Variants in CCSER1 observed in about 807,000 individuals in gnomAD.
CCSER1 encodes coiled-coil serine rich protein 1.
CCSER1 carries 41 observed loss-of-function variants against 82.0 expected under a neutral mutation model. The observed-to-expected ratio is 0.50, with a 90% CI of 0.39 to 0.65. The LOEUF (loss-of-function observed/expected upper bound fraction) is 0.65. CCSER1 is among the 30% of genes least tolerant of loss of function. CCSER1 has a pLI of 0.00. For missense variants in CCSER1, 1,119 were observed against 1,064.2 expected (o/e 1.05, Z -0.72); for synonymous variants, 414 against 383.9 (o/e 1.08, Z -0.92).
chr4:90,236,053 C>T (rs955903550), intron 1 of CCSER1, among the ~76,000 whole-genome samples: 6 of 152,110 alleles, frequency 3.9e-5, no homozygotes, highest in African/African-American at 1.2e-4. Flanking sequence ...GACATCCTCC[C>T]ACCTTAGTGC....
chr4:90,660,016 A>G (rs979624351), intron 6 of CCSER1, among the ~76,000 whole-genome samples: 2 of 152,020 alleles, frequency 1.3e-5, no homozygotes, highest in African/African-American at 4.8e-5. Flanking sequence ...AAAGTAAAAA[A>G]AAAAAACCTT....
chr4:90,760,747 G>A (rs532321758), intron 7 of CCSER1, among the ~76,000 whole-genome samples: 1 of 152,148 alleles, frequency 6.6e-6, no homozygotes, highest in South Asian at 2.1e-4. Context: ...GGGACTACAG[G>A]TAAGTTTTTT....
rs1208463361 is a variant in CCSER1, at chr4:90,721,859, A to G, written c.1933-2055A>G. Among the ~76,000 whole-genome samples, 8 of 151,448 alleles carry G rather than the reference A, an allele frequency of 5.3e-5. No homozygotes were observed. The South Asian group carries it at 1.5e-3, about 28-fold the overall frequency. ...AGTACAGTTTATCAGCTGTTGTCAT[A>G]CGAGATTGATTTGTTTTTTTAAAAT... On this transcript the variant is annotated intron_variant, in intron 6 of 10. Transcript: ENST00000509176.
chr4:90,608,048 A>G (rs557065523), intron 5 of CCSER1, among the ~76,000 whole-genome samples: 2 of 152,308 alleles, frequency 1.3e-5, no homozygotes, highest in African/African-American at 4.8e-5. Context: ...AAACTGTACA[A>G]AATATTTATT....
rs1730276577 is a variant in CCSER1, at chr4:90,932,994, A to AAGAAAG, written c.2172+9549_2172+9554dup. The stretch of plus-strand genomic sequence containing the variant: ...AGAAAGAAAGAAAGAGAAAGAAAGA[A>AAGAAAG]AGAAAGAAAGAAAGAAAGAAAGAAA... On this transcript the variant is annotated intron_variant, in intron 9 of 10. Transcript: ENST00000509176. Among the ~76,000 whole-genome samples the AAGAAAG allele has an allele frequency of 1.7e-4, 10 of 60,396 alleles. 1 individual carries two copies. The highest frequency in any genetic ancestry group is 3.7e-4 in the East Asian group (1 of 2,734). The allele number at this position is 60,396 out of a possible 152,430, so 39.6% of individuals were successfully genotyped here.
chr4:91,058,465 C>G (rs760897697), intron 9 of CCSER1, among the ~76,000 whole-genome samples: 8 of 152,254 alleles, frequency 5.3e-5, no homozygotes, highest in East Asian at 1.9e-4. Context: ...CTACCATGGT[C>G]TGGCACTGAG....
intron 10 of CCSER1, among the ~76,000 whole-genome samples, chr4:91,086,667 A>G (rs1018053923): frequency 3.9e-5 from 6 of 152,106 alleles, no homozygotes; most frequent in Non-Finnish European, 7.4e-5. Flanking sequence ...CAATTTTTGT[A>G]CAAAAGTGAA....
chr4:91,448,010 G>C (rs1755664282), intron 10 of CCSER1, among the ~76,000 whole-genome samples: 1 of 152,012 alleles, frequency 6.6e-6, no homozygotes, highest in South Asian at 2.1e-4. Flanking sequence ...CAGTGTAAGA[G>C]TTGAGTAATG....
intron 8 of CCSER1, among the ~76,000 whole-genome samples, chr4:90,851,214 G>T (rs1445503591): frequency 1.3e-5 from 2 of 152,088 alleles, no homozygotes; most frequent in Non-Finnish European, 2.9e-5. Flanking sequence ...ATAACATCAT[G>T]AGAACAGACT....
At chr4:90,437,296 T>A (rs1274153293) in intron 4 of CCSER1, among the ~76,000 whole-genome samples, 1 of 151,958 alleles carries the variant, frequency 6.6e-6, no homozygotes, top group East Asian at 1.9e-4. Flanking sequence ...CACATATATA[T>A]ATACACACAG....
At chr4:90,145,167 A>G (rs553800224) in intron 1 of CCSER1, among the ~76,000 whole-genome samples, 1 of 152,146 alleles carries the variant, frequency 6.6e-6, no homozygotes, top group South Asian at 2.1e-4. Context: ...TTCTACCTTT[A>G]AAATATTCTA....
chr4:91,096,893 C>G (rs1724565497), intron 10 of CCSER1, among the ~76,000 whole-genome samples: 1 of 152,048 alleles, frequency 6.6e-6, no homozygotes, highest in Admixed American at 6.6e-5. Context: ...AAGTCAAAAC[C>G]AAAACCAAAG....
intron 1 of CCSER1, among the ~76,000 whole-genome samples, chr4:90,256,798 A>G (rs1421877254): frequency 1.3e-5 from 2 of 152,184 alleles, no homozygotes; most frequent in Admixed American, 6.6e-5. Context: ...AGTTATCTGC[A>G]GTCAACCATG....
intron 10 of CCSER1, among the ~76,000 whole-genome samples, chr4:91,262,162 T>C (rs1185973841): frequency 6.6e-6 from 1 of 152,262 alleles, no homozygotes; most frequent in East Asian, 1.9e-4. Context: ...ACCAAACTAT[T>C]TGGGTTCGAA....
At chr4:90,547,921 A>G (rs1180822620) in intron 5 of CCSER1, among the ~76,000 whole-genome samples, 1 of 152,164 alleles carries the variant, frequency 6.6e-6, no homozygotes, top group Non-Finnish European at 1.5e-5. Flanking sequence ...TAAAAGATAT[A>G]TTTGCTAAGT....
intron 6 of CCSER1, among the ~76,000 whole-genome samples, chr4:90,697,246 A>G (rs997087013): frequency 6.1e-4 from 93 of 152,300 alleles, no homozygotes; most frequent in African/African-American, 2.1e-3. Context: ...TTCCCAAATG[A>G]GAATTTTAAT....
At chr4:90,487,863 A>T (rs1767354576) in intron 5 of CCSER1, among the ~76,000 whole-genome samples, 1 of 152,122 alleles carries the variant, frequency 6.6e-6, no homozygotes, top group African/African-American at 2.4e-5. Flanking sequence ...GCTGTTCTCC[A>T]TCTCTTGACC....
intron 3 of CCSER1, among the ~76,000 whole-genome samples, chr4:90,379,608 G>C (rs2153530637): frequency 6.6e-6 from 1 of 152,224 alleles, no homozygotes; most frequent in East Asian, 1.9e-4. Flanking sequence ...TATCCCAGTA[G>C]AGTGAGGCAG....
intron 5 of CCSER1, among the ~76,000 whole-genome samples, chr4:90,498,151 T>TATAC (rs1365183386): frequency 6.6e-6 from 1 of 152,156 alleles, no homozygotes; most frequent in African/African-American, 2.4e-5. Context: ...TGTTTTTGCC[T>TATAC]ATACATACAT....
Sources: gnomAD v4.1 joint callset for allele counts (sites outside exome capture counted in the v4.1 genomes callset) on GRCh38, gnomAD v4.1.1 for gene constraint, MANE v1.5 for transcripts, NCBI Gene and HGNC (gene_info 2026-07-23, HGNC 2026-07-21) for gene names.